Variants in RYR1 observed in about 807,000 individuals in gnomAD.
The protein encoded by RYR1 is central core disease of muscle.
RYR1 carries 342 observed loss-of-function variants against 583.5 expected under a neutral mutation model. That is an observed-to-expected ratio of 0.59 (90% CI 0.54 to 0.64). The LOEUF is 0.64. Ranked by LOEUF, RYR1 falls within the 30% of genes least tolerant of loss-of-function variation. The pLI is 0.00. For missense variants in RYR1, 6,032 were observed against 6,917.2 expected (o/e 0.87, Z 4.54); for synonymous variants, 2,791 against 2,822.5 (o/e 0.99, Z 0.35).
intron 101 of RYR1, 90 bp downstream of exon 101, chr19:38,580,594 T>G (rs558194526): frequency 9.1e-5 from 139 of 1,527,984 alleles, no homozygotes; most frequent in Admixed American, 4.2e-4. Flanking sequence ...GCGTGGTGCC[T>G]CCAGCCTGCA....
At position 38,496,276 on chromosome 19, in the gene RYR1, C is replaced by T. The variant is rs745432757; in HGVS notation, c.6610C>T (p.His2204Tyr). Residue 2204 changes from histidine to tyrosine, a missense_variant, in exon 40 of 106, where the codon CAC (histidine) becomes TAC (tyrosine). Around this residue, in one of 11 missense-constraint regions of RYR1, gnomAD observed 2,627 missense variants for 2,961.3 expected, o/e 0.89. Transcript: ENST00000359596. This position sits in a 1 kb window ranked among gnomAD's most constrained non-coding sequence, Gnocchi z 4.8. Reference sequence around the variant, plus strand: ...GAACCTGATGAGGGCGCTGGGCATGCACGAGACGGTCATGGAGGTCATGGT... The same window carrying T: ...GAACCTGATGAGGGCGCTGGGCATGTACGAGACGGTCATGGAGGTCATGGT... ...HPNLMRALGM[H>Y]ETVMEVMVNV... The T allele has an allele frequency of 8.7e-6, 14 of 1,614,026 alleles. No homozygotes were observed. The highest frequency in any genetic ancestry group is 1.2e-5 in the Non-Finnish European group (14 of 1,180,040).
In RYR1 at chr19:38,587,447, CA is replaced by C; in HGVS notation, c.*28del. On this transcript the variant is annotated 3_prime_UTR_variant, in exon 106 of 106. Transcript: ENST00000359596. ...ACACCCCCAGCTGGCCCTCCACCCCCACCTCAAGTGCCTTATTCTCACAGCA... is the reference window on the plus strand; with the variant it reads ...ACACCCCCAGCTGGCCCTCCACCCCCCCTCAAGTGCCTTATTCTCACAGCA... 1 of 1,549,242 alleles carries C rather than the reference CA, an allele frequency of 6.5e-7. No individual in the cohort carries two copies. Among genetic ancestry groups the C allele is most frequent in the Non-Finnish European group, 8.9e-7 (1 of 1,121,370 alleles).
intron 76 of RYR1, among the ~76,000 whole-genome samples, chr19:38,531,375 A>G (rs1320115069): frequency 1.3e-5 from 2 of 151,990 alleles, no homozygotes; most frequent in African/African-American, 4.8e-5. Flanking sequence ...TAGGGCTATT[A>G]ACATACCCAC....
chr19:38,580,631 G>A (rs1038302835), intron 101 of RYR1, 127 bp downstream of exon 101: 26 of 1,190,440 alleles, frequency 2.2e-5, no homozygotes, highest in East Asian at 1.2e-4. Flanking sequence ...AGGCCGAGGC[G>A]GGACGATTAC....
intron 1 of RYR1, among the ~76,000 whole-genome samples, chr19:38,437,345 C>T (rs1972473657): frequency 6.6e-6 from 1 of 152,110 alleles, no homozygotes; most frequent in African/African-American, 2.4e-5. Context: ...GCCACCTCGC[C>T]CAGCCTGCCT....
intron 20 of RYR1, among the ~76,000 whole-genome samples, chr19:38,461,721 GAAAA>G (rs34209906): frequency 2.7e-5 from 2 of 75,108 alleles, no homozygotes; most frequent in African/African-American, 5.3e-5. Context: ...GCAAAACCCT[GAAAA>G]AAAAAAAAAA....
intron 84 of RYR1, among the ~76,000 whole-genome samples, chr19:38,539,189 T>A (rs1010453416): frequency 6.6e-6 from 1 of 151,676 alleles, no homozygotes; most frequent in African/African-American, 2.4e-5. Flanking sequence ...CCACAACGAG[T>A]TTTTCAAGGT....
At chr19:38,494,703 T>C in intron 39 of RYR1, 78 bp downstream of exon 39, 1 of 1,571,698 alleles carries the variant, frequency 6.4e-7, no homozygotes, top group Non-Finnish European at 8.7e-7. Flanking sequence ...AACATTCCCT[T>C]CCCCAACTTC....
At position 38,565,100 on chromosome 19, in the gene RYR1, G is replaced by C; in HGVS notation, c.12766G>C (p.Glu4256Gln). ...CGCGCAGATCTCGGAGCCCGAGGGC[G>C]AGCCGGAGACCGACGAGGACGAGGG... ...IAAQISEPEG[E>Q]PETDEDEGAG... Residue 4256 changes from glutamate (E) to glutamine (Q), a missense_variant, in exon 91 of 106, where the codon GAG becomes CAG. By Grantham distance (29) the Glu-to-Gln change is conservative (BLOSUM62 2). This residue lies in a region of RYR1 where 753 missense variants were observed against 759.6 expected (regional missense o/e 0.99). Transcript: ENST00000359596. The surrounding 1 kb of genome is among the most constrained non-coding windows in gnomAD (Gnocchi z 4.7). The C allele has an allele frequency of 1.3e-6, 2 of 1,548,794 alleles. No individual in the cohort carries two copies. The highest frequency in any genetic ancestry group is 1.7e-6 in the Non-Finnish European group (2 of 1,150,128).
chr19:38,576,979 G>A (rs1395438648), intron 97 of RYR1, among the ~76,000 whole-genome samples: 6 of 151,820 alleles, frequency 4.0e-5, no homozygotes. Flanking sequence ...TCCACCTCCC[G>A]GGTTCAAGCG....
chr19:38,545,514 A>G (rs1328486022), intron 87 of RYR1, among the ~76,000 whole-genome samples: 1 of 152,164 alleles, frequency 6.6e-6, no homozygotes, highest in Non-Finnish European at 1.5e-5. Context: ...GTGGAACCAT[A>G]TGAAATTACC....
At chr19:38,481,961 G>A (rs996709985) in intron 31 of RYR1, among the ~76,000 whole-genome samples, 11 of 151,908 alleles carry the variant, frequency 7.2e-5, no homozygotes, top group South Asian at 2.1e-4. Context: ...GGTGACGGGC[G>A]CCTGTAATCC....
At chr19:38,530,651 G>A (rs937190521) in intron 76 of RYR1, among the ~76,000 whole-genome samples, 1 of 152,102 alleles carries the variant, frequency 6.6e-6, no homozygotes, top group African/African-American at 2.4e-5. Flanking sequence ...ACTGACAGGG[G>A]CCCAGGGTCT....
chr19:38,534,837 A>G lies in RYR1; in HGVS notation c.11359+18A>G. The G allele has an allele frequency of 6.2e-7, 1 of 1,604,836 alleles. No individual in the cohort carries two copies. Among genetic ancestry groups the G allele is most frequent in the South Asian group, 1.1e-5 (1 of 89,238 alleles). On this transcript the variant is annotated intron_variant, in intron 79 of 105. Transcript: ENST00000359596. ...CTGCAAAGGTGCCCCTCACATGTGC[A>G]CTGGACTCTTCCGAGTGCACTCATC...
intron 89 of RYR1, among the ~76,000 whole-genome samples, chr19:38,554,258 C>A (rs559215640): frequency 6.9e-4 from 103 of 148,582 alleles, no homozygotes; most frequent in African/African-American, 2.6e-3. Context: ...TCGAGACCAG[C>A]CTGACCAACA....
At chr19:38,525,990 T>A (rs1373847169) in intron 71 of RYR1, among the ~76,000 whole-genome samples, 1 of 151,742 alleles carries the variant, frequency 6.6e-6, no homozygotes, top group Non-Finnish European at 1.5e-5. Flanking sequence ...TGGCTCACCA[T>A]CCCTTTCCTT....
chr19:38,527,991 A>C, intron 73 of RYR1: 16 of 556,940 alleles, frequency 2.9e-5, no homozygotes, highest in East Asian at 9.3e-5. Flanking sequence ...GGGACAGGGA[A>C]GGGGCAGATC....
Position 38,523,936 on chromosome 19 carries a change from C to T in RYR1, c.10455+7C>T, listed in dbSNP as rs202217973. The T allele has an allele frequency of 5.6e-6, 9 of 1,613,770 alleles. No homozygotes were observed. The African/African-American group carries it at 6.7e-5, about 12-fold the overall frequency. ...GCAGGCGGGAGATATACAGGTCAGC[C>T]CCACATCTGGGACCTTCCGCATGTC... is the stretch of plus-strand genomic sequence containing the variant. On this transcript the variant is annotated splice_region_variant and intron_variant, in intron 70 of 105. Coordinates refer to ENST00000359596, the MANE Select transcript of RYR1 (RefSeq NM_000540.3).
At chr19:38,573,648 C>T (rs926924471) in intron 96 of RYR1, among the ~76,000 whole-genome samples, 10 of 151,728 alleles carry the variant, frequency 6.6e-5, no homozygotes, top group Admixed American at 1.3e-4. Context: ...CCATTACACT[C>T]CAGCCTGGGC....
Sources: allele counts gnomAD v4.1 joint callset (sites outside exome capture counted in the v4.1 genomes callset), GRCh38; gene constraint gnomAD v4.1.1; regional missense constraint gnomAD v4.1.1; non-coding constraint Gnocchi (gnomAD v3.1); transcripts MANE v1.5; gene names NCBI Gene and HGNC (gene_info 2026-07-23, HGNC 2026-07-21).